The following TET2 variants were observed in gnomAD, a reference collection of about 807,000 sequenced individuals.
TET2 encodes methylcytosine dioxygenase TET2.
Under a neutral mutation model 142.9 loss-of-function variants are expected in TET2, and 299 were observed. That is an observed-to-expected ratio of 2.09 (90% CI 1.90 to 2.30). TET2 has a LOEUF of 2.30. TET2 is among the 30% of genes most tolerant of loss of function. TET2 has a pLI of 0.00. For synonymous variants in TET2, 819 were observed against 849.0 expected, an observed-to-expected ratio of 0.96 and a Z score of 0.61; for missense variants, 2,418 against 2,378.0, an observed-to-expected ratio of 1.02 and a Z score of -0.35.
chr4:105,175,620 A>C (rs1054407371), intron 1 of TET2, among the ~76,000 whole-genome samples: 1 of 152,126 alleles, frequency 6.6e-6, no homozygotes, highest in Non-Finnish European at 1.5e-5. Flanking sequence ...CAATGGGCAT[A>C]CTAGAAAAAG....
Position 105,276,426 on chromosome 4 carries a change from C to G in TET2, c.5916C>G (p.Ala1972=). 8 of 1,551,816 alleles carry G rather than the reference C, an allele frequency of 5.2e-6. No homozygotes were observed. Among genetic ancestry groups the G allele is most frequent in the Non-Finnish European group, 7.0e-6 (8 of 1,147,012 alleles). Reference sequence around the variant, plus strand: ...ACCTGCGTTTCATCAAGTCTCTTGCCGAAAGGACCATGTCCGTGACCACAG... The same window carrying G: ...ACCTGCGTTTCATCAAGTCTCTTGCGGAAAGGACCATGTCCGTGACCACAG... ...PTYLRFIKSL[A]ERTMSVTTDS... Residue 1972 remains alanine, a synonymous_variant, in exon 11 of 11, where the codon GCC becomes GCG. Coordinates refer to ENST00000380013, the MANE Select transcript of TET2 (RefSeq NM_001127208.3).
At chr4:105,209,008 C>T (rs780283154) in intron 2 of TET2, among the ~76,000 whole-genome samples, 14 of 129,832 alleles carry the variant, frequency 1.1e-4, no homozygotes, top group African/African-American at 3.2e-4. Flanking sequence ...TAATAAGATA[C>T]AATTTGCACA....
Position 105,236,138 on chromosome 4 carries a change from A to G in TET2, c.2196A>G (p.Pro732=). ...ATAAACAGGCAGCACAAACACAACC[A>G]TCCCAGAGTTCACATCTCCCTCAAA... The part of the protein sequence containing the change: ...KPHKQAAQTQ[P]SQSSHLPQNQ... Residue 732 remains proline (P), a synonymous_variant, in exon 3 of 11, where the codon CCA becomes CCG. Coordinates refer to ENST00000380013, the MANE Select transcript of TET2 (RefSeq NM_001127208.3). 2 of 1,614,138 alleles carry G rather than the reference A, an allele frequency of 1.2e-6. No individual in the cohort carries two copies. Among genetic ancestry groups the G allele is most frequent in the Non-Finnish European group, 1.7e-6 (2 of 1,180,006 alleles).
rs529619804 is a variant in TET2 at position 105,276,729 on chromosome 4, G to A, written c.*210G>A. On this transcript the variant is annotated 3_prime_UTR_variant, in exon 11 of 11. Transcript: ENST00000380013. The stretch of plus-strand genomic sequence containing the variant: ...CCAAGTGGTCACAGATGGCATCTAG[G>A]AAAAGACCAAAGCATTCTATGCAAA... 37 of 529,270 alleles carry A rather than the reference G, an allele frequency of 7.0e-5. No individual in the cohort carries two copies. In the African/African-American group the frequency reaches 7.1e-4, roughly 10 times the overall value. 32.8% of individuals were successfully genotyped at this position (529,270 alleles called of 1,614,324 possible).
intron 2 of TET2, 136 bp downstream of exon 2, chr4:105,190,641 A>T (rs1725732466): frequency 1.7e-6 from 1 of 584,294 alleles, no homozygotes; most frequent in South Asian, 2.2e-5. Context: ...GTCTATGCTT[A>T]GGACACATGG....
chr4:105,275,505 C>T lies in TET2; in HGVS notation c.4995C>T (p.Asp1665=). ...PMDLYRYPSQ[D]PLSKLSLPPI... ...ATCTGTATAGGTATCCAAGCCAAGA[C>T]CCTCTGTCTAAGCTCAGTCTACCAC... The change falls in exon 11 of 11, where the codon GAC becomes GAT. Residue 1665 remains aspartate (D), a synonymous_variant. Transcript: ENST00000380013. 6.4e-7 allele frequency: 1 copy of T among 1,551,702 alleles called. No individual in the cohort carries two copies. The highest frequency in any genetic ancestry group is 2.4e-5 in the East Asian group (1 of 40,918).
rs950388589 is a variant in TET2 at position 105,276,053 on chromosome 4, C to G, written c.5543C>G (p.Ser1848Ter). ...SGAEDNDEVW[S>*]DSEQSFLDPD... The stretch of plus-strand genomic sequence containing the variant: ...GCAGAGGACAACGATGAGGTCTGGT[C>G]AGACAGCGAGCAGAGCTTTCTGGAT... Residue 1848 changes from serine to a stop codon, truncating the protein, a stop_gained, in exon 11 of 11, where the codon TCA becomes TGA. Coordinates refer to ENST00000380013, the MANE Select transcript of TET2 (RefSeq NM_001127208.3). LOFTEE classifies it high-confidence loss of function. The G allele has an allele frequency of 2.6e-6, 4 of 1,551,538 alleles. No homozygotes were observed. Among genetic ancestry groups the G allele is most frequent in the South Asian group, 1.2e-5 (1 of 84,052 alleles).
intron 2 of TET2, among the ~76,000 whole-genome samples, chr4:105,201,509 T>G (rs1726463842): frequency 6.6e-6 from 1 of 152,160 alleles, no homozygotes; most frequent in Non-Finnish European, 1.5e-5. Flanking sequence ...AATTATCAGT[T>G]GCTAACATTT....
chr4:105,219,723 T>C (rs756628641), intron 2 of TET2, among the ~76,000 whole-genome samples: 2 of 152,086 alleles, frequency 1.3e-5, no homozygotes, highest in Admixed American at 6.6e-5. Context: ...TAAAGAATTA[T>C]GCATTGATTA....
intron 1 of TET2, among the ~76,000 whole-genome samples, chr4:105,150,120 G>A (rs927441981): frequency 3.3e-5 from 5 of 152,016 alleles, no homozygotes; most frequent in Non-Finnish European, 7.4e-5. Flanking sequence ...TGATTCATAG[G>A]CACACCTCAC....
intron 1 of TET2, among the ~76,000 whole-genome samples, chr4:105,155,401 T>C (rs1723515925): frequency 6.6e-6 from 1 of 152,208 alleles, no homozygotes; most frequent in Admixed American, 6.5e-5. Flanking sequence ...TGATGATGGC[T>C]CTCCATCTTT....
rs530780808 is a variant in TET2, at chr4:105,253,546, G to GTT, written c.3804-6061_3804-6060dup. ...ATGTTATATAATCACTTTAGATCCAGTTTTTTTTTTTTTGGTCATTCTTTC... is the reference window on the plus strand; with the variant it reads ...ATGTTATATAATCACTTTAGATCCAGTTTTTTTTTTTTTTTGGTCATTCTTTC... On this transcript the variant is annotated intron_variant, in intron 6 of 10. Coordinates refer to ENST00000380013, the MANE Select transcript of TET2 (RefSeq NM_001127208.3). Among the ~76,000 whole-genome samples, 492 of 141,960 alleles carry GTT rather than the reference G, an allele frequency of 3.5e-3. 3 individuals carry two copies. Among genetic ancestry groups the GTT allele is most frequent in the African/African-American group, 0.011 (438 of 39,284 alleles). 93.1% of individuals were successfully genotyped at this position (141,960 alleles called of 152,430 possible).
At chr4:105,200,457 T>C (rs907489648) in intron 2 of TET2, among the ~76,000 whole-genome samples, 2 of 152,220 alleles carry the variant, frequency 1.3e-5, no homozygotes, top group Admixed American at 6.5e-5. Flanking sequence ...TATTGTCAGA[T>C]ACATAAATTG....
intron 1 of TET2, among the ~76,000 whole-genome samples, chr4:105,157,755 C>T (rs1466687082): frequency 6.6e-6 from 1 of 152,170 alleles, no homozygotes; most frequent in East Asian, 1.9e-4. Context: ...TGGCTCACTG[C>T]AGCCTCCTCC....
At chr4:105,148,032 C>T (rs905117845) in intron 1 of TET2, among the ~76,000 whole-genome samples, 1 of 152,022 alleles carries the variant, frequency 6.6e-6, no homozygotes, top group Non-Finnish European at 1.5e-5. Context: ...CTCCTCTCTA[C>T]TCTTTCTTCT....
chr4:105,210,351 A>G (rs1416204520), intron 2 of TET2, among the ~76,000 whole-genome samples: 1 of 152,092 alleles, frequency 6.6e-6, no homozygotes, highest in Non-Finnish European at 1.5e-5. Flanking sequence ...TCTCTTTACA[A>G]TGTCAAAATT....
intron 1 of TET2, among the ~76,000 whole-genome samples, chr4:105,187,237 T>G (rs1005828418): frequency 6.6e-6 from 1 of 152,196 alleles, no homozygotes; most frequent in Non-Finnish European, 1.5e-5. Context: ...AAAGTTATAT[T>G]TTTTACTTTT....
chr4:105,275,492 A>G lies in TET2; in HGVS notation c.4982A>G (p.Tyr1661Cys). Residue 1661 changes from tyrosine to cysteine, a missense_variant, in exon 11 of 11, where the codon TAT becomes TGT. By Grantham distance (194) the Tyr-to-Cys change is radical. Transcript: ENST00000380013. ...TCTCAGCCGATGGATCTGTATAGGT[A>G]TCCAAGCCAAGACCCTCTGTCTAAG... The part of the protein sequence containing the change: ...PQSQPMDLYR[Y>C]PSQDPLSKLS... The G allele has an allele frequency of 6.4e-7, 1 of 1,551,698 alleles. No homozygotes were observed. The highest frequency in any genetic ancestry group is 8.7e-7 in the Non-Finnish European group (1 of 1,146,988).
Position 105,236,713 on chromosome 4 carries a change from A to C in TET2, c.2771A>C (p.His924Pro), listed in dbSNP as rs34485921. ...CAGCAAAGGTACTTGATACATAACC[A>C]TGCAAATGTTTTTCCTGTGCCTGAC... The part of the protein sequence containing the change: ...LAQQRYLIHN[H>P]ANVFPVPDQG... The change falls in exon 3 of 11, where the codon CAT becomes CCT. Residue 924 changes from histidine (H) to proline (P), a missense_variant. Physicochemically the swap from His to Pro is moderately conservative, Grantham distance 77. Coordinates refer to ENST00000380013, the MANE Select transcript of TET2 (RefSeq NM_001127208.3). 6.2e-7 allele frequency: 1 copy of C among 1,614,148 alleles called. No individual in the cohort carries two copies. Among genetic ancestry groups the C allele is most frequent in the Non-Finnish European group, 8.5e-7 (1 of 1,180,020 alleles).
Sources: gnomAD v4.1 joint callset for allele counts (sites outside exome capture counted in the v4.1 genomes callset) on GRCh38, gnomAD v4.1.1 for gene constraint, MANE v1.5 for transcripts, NCBI Gene and HGNC (gene_info 2026-07-23, HGNC 2026-07-21) for gene names.